Variants in PCDHGB7 observed in about 807,000 individuals in gnomAD.
PCDHGB7 encodes protocadherin gamma-B7.
In PCDHGB7, 37 loss-of-function variants were observed where a neutral mutation model predicts 61.4. The observed-to-expected ratio is 0.60, with a 90% CI of 0.46 to 0.79. The LOEUF (loss-of-function observed/expected upper bound fraction) is 0.79. PCDHGB7 is among the 30% of genes least tolerant of loss of function. The pLI, the probability that PCDHGB7 is intolerant of heterozygous loss-of-function variation, is 0.00. For synonymous variants in PCDHGB7, 464 were observed against 503.5 expected (o/e 0.92, Z 1.05); for missense variants, 1,166 against 1,202.5 (o/e 0.97, Z 0.45).
intron 1 of PCDHGB7, among the ~76,000 whole-genome samples, chr5:141,448,772 G>C (rs1034550563): frequency 1.5e-4 from 22 of 151,272 alleles, no homozygotes; most frequent in African/African-American, 3.7e-4. Context: ...AACCCCGTCT[G>C]TACTAAAAAT....
At chr5:141,466,107 G>T (rs1463944825) in intron 1 of PCDHGB7, among the ~76,000 whole-genome samples, 1 of 151,928 alleles carries the variant, frequency 6.6e-6, no homozygotes, top group East Asian at 1.9e-4. Flanking sequence ...GGGCAACAGA[G>T]TGAGACTCCA....
In PCDHGB7 at chr5:141,491,623, G is replaced by C; in HGVS notation, c.2416-3184G>C. On this transcript the variant is annotated intron_variant, in intron 1 of 3. Coordinates refer to ENST00000398594, the MANE Select transcript of PCDHGB7 (RefSeq NM_018927.4). The surrounding 1 kb of genome is among the most constrained non-coding windows in gnomAD (Gnocchi z 6.9). ...CTTCACTTTTCTAAGACCCCTCAGC[G>C]TTCAGCAGCCCACAGCTCTGGCGCT... 1 of 1,613,930 alleles carries C rather than the reference G, an allele frequency of 6.2e-7. No individual in the cohort carries two copies. Among genetic ancestry groups the C allele is most frequent in the Non-Finnish European group, 8.5e-7 (1 of 1,180,020 alleles).
At position 141,419,630 on chromosome 5, in the gene PCDHGB7, G is replaced by T; in HGVS notation, c.1771G>T (p.Val591Leu). 1.2e-6 allele frequency: 2 copies of T among 1,612,430 alleles called. No individual in the cohort carries two copies. The highest frequency in any genetic ancestry group is 1.3e-5 in the African/African-American group (1 of 75,064). ...GCAGCCAGGCTACCTGGTGACCAAG[G>T]TGGTGGCCGTGGACGCGGACTCGGG... Reference protein sequence around the residue: ...AAQPGYLVTKVVAVDADSGHN... With the variant: ...AAQPGYLVTKLVAVDADSGHN... The change falls in exon 1 of 4, where the codon GTG becomes TTG. Residue 591 changes from valine (V) to leucine (L), a missense_variant. Transcript: ENST00000398594.
intron 2 of PCDHGB7, among the ~76,000 whole-genome samples, chr5:141,500,901 G>A (rs984072329): frequency 7.6e-5 from 11 of 144,582 alleles, no homozygotes; most frequent in African/African-American, 2.6e-4. Flanking sequence ...AGACAGTCTC[G>A]CTCTGTCTCC....
At chr5:141,430,878 A>G in intron 1 of PCDHGB7, 1 of 1,600,748 alleles carries the variant, frequency 6.2e-7, no homozygotes, top group Admixed American at 1.8e-5. Context: ...GAAGAGCTGG[A>G]GAAAGGCTCT....
intron 1 of PCDHGB7, among the ~76,000 whole-genome samples, chr5:141,482,530 C>CAAAAAAAAAAAAA (rs3074545): frequency 3.9e-5 from 3 of 76,560 alleles, no homozygotes; most frequent in African/African-American, 9.6e-5. Context: ...GACAGACATG[C>CAAAAAAAAAAAAA]AAAAAAAAAA....
In PCDHGB7 at chr5:141,489,993, C is replaced by A; in HGVS notation, c.2416-4814C>A. 6.2e-7 allele frequency: 1 copy of A among 1,614,186 alleles called. No individual in the cohort carries two copies. The highest frequency in any genetic ancestry group is 1.1e-5 in the South Asian group (1 of 91,088). On this transcript the variant is annotated intron_variant, in intron 1 of 3. Transcript: ENST00000398594. The surrounding 1 kb of genome is among the most constrained non-coding windows in gnomAD (Gnocchi z 4.5). ...AATCCTCAGTTCTACGTGTGGGAATCCCAGAGAATGCACCCATTGGTACTC... is the reference window on the plus strand; with the variant it reads ...AATCCTCAGTTCTACGTGTGGGAATACCAGAGAATGCACCCATTGGTACTC...
chr5:141,451,358 T>C (rs537863729), intron 1 of PCDHGB7, among the ~76,000 whole-genome samples: 1 of 152,326 alleles, frequency 6.6e-6, no homozygotes, highest in African/African-American at 2.4e-5. Flanking sequence ...CAACAGAGGA[T>C]GGATCCGCTT....
intron 1 of PCDHGB7, among the ~76,000 whole-genome samples, chr5:141,492,968 C>T: frequency 6.6e-6 from 1 of 152,240 alleles, no homozygotes; most frequent in East Asian, 1.9e-4. Flanking sequence ...GACACTCTAA[C>T]AAGTCCTGTC....
At chr5:141,456,687 A>G (rs1053490307) in intron 1 of PCDHGB7, among the ~76,000 whole-genome samples, 1 of 152,156 alleles carries the variant, frequency 6.6e-6, no homozygotes. Context: ...ATTACTGGCC[A>G]GGCGTGGTGG....
chr5:141,422,492 C>G (rs747903569), intron 1 of PCDHGB7: 10 of 1,613,934 alleles, frequency 6.2e-6, no homozygotes, highest in Non-Finnish European at 8.5e-6. Flanking sequence ...TACAATATAA[C>G]GTTGACAGCC....
Position 141,427,553 on chromosome 5 carries a change from TG to T in PCDHGB7, c.2415+7280del, listed in dbSNP as rs201716174. ...AGTACAACGTCACCATCACTGCCAC[TG>T]ACAAGGGCAAGCCTCCGCTCTCATC... On this transcript the variant is annotated intron_variant, in intron 1 of 3. Transcript: ENST00000398594. 2.7e-3 allele frequency: 1,760 copies of T among 646,124 alleles called. 23 individuals are homozygous for T. In the African/African-American group the frequency reaches 0.028, roughly 10 times the overall value. 40.0% of individuals were successfully genotyped at this position (646,124 alleles called of 1,614,324 possible).
Position 141,419,533 on chromosome 5 carries a change from C to A in PCDHGB7, c.1674C>A (p.Asn558Lys). The change falls in exon 1 of 4, where the codon AAC (asparagine) becomes AAA (lysine). Residue 558 changes from asparagine (N) to lysine (K), a missense_variant. By Grantham distance (94) the Asn-to-Lys change is moderately conservative. Coordinates refer to ENST00000398594, the MANE Select transcript of PCDHGB7 (RefSeq NM_018927.4). ...LRVLVGDRNDNAPRVLYPALG... is the reference protein window; with the variant it reads ...LRVLVGDRNDKAPRVLYPALG... ...TGTTGGTGGGCGACCGTAACGACAA[C>A]GCACCGCGGGTGCTGTACCCTGCGC... 1 of 1,612,106 alleles carries A rather than the reference C, an allele frequency of 6.2e-7. No homozygotes were observed. The highest frequency in any genetic ancestry group is 8.5e-7 in the Non-Finnish European group (1 of 1,179,516).
At chr5:141,456,171 A>ACAGGCG (rs1443838766) in intron 1 of PCDHGB7, among the ~76,000 whole-genome samples, 2 of 152,096 alleles carry the variant, frequency 1.3e-5, no homozygotes, top group East Asian at 3.9e-4. Flanking sequence ...TGCTGGGATT[A>ACAGGCG]CAGAATAATT....
Position 141,476,036 on chromosome 5 carries a change from A to T in PCDHGB7, c.2416-18771A>T. ...ATGTCGGACTCGGCGCCCAGCGCCC[A>T]AGCGCTAACCCGCTGAAAGTTTCTC... On this transcript the variant is annotated intron_variant, in intron 1 of 3. Coordinates refer to ENST00000398594, the MANE Select transcript of PCDHGB7 (RefSeq NM_018927.4). This position sits in a 1 kb window ranked among gnomAD's most constrained non-coding sequence, Gnocchi z 7.6. 1.4e-6 allele frequency: 2 copies of T among 1,471,164 alleles called. No individual in the cohort carries two copies. The highest frequency in any genetic ancestry group is 1.8e-6 in the Non-Finnish European group (2 of 1,106,602). 91.1% of individuals were successfully genotyped at this position (1,471,164 alleles called of 1,614,324 possible).
At chr5:141,430,595 G>C (rs549786394) in intron 1 of PCDHGB7, 1 of 567,016 alleles carries the variant, frequency 1.8e-6, no homozygotes. Flanking sequence ...CCTTGCACGC[G>C]CCTGAAGCAC....
rs1224515106 is a variant in PCDHGB7 at position 141,491,453 on chromosome 5, C to T, written c.2416-3354C>T. On this transcript the variant is annotated intron_variant, in intron 1 of 3. Transcript: ENST00000398594. The surrounding 1 kb of genome is among the most constrained non-coding windows in gnomAD (Gnocchi z 6.9). ...TGCTGCAGGCGCCAGGACTCACCCT[C>T]CCCGGACTTCTATAAGCAGTCCAGC... The T allele has an allele frequency of 6.2e-6, 10 of 1,614,120 alleles. No homozygotes were observed. The highest frequency in any genetic ancestry group is 8.5e-6 in the Non-Finnish European group (10 of 1,180,028).
rs553126235 is a variant in PCDHGB7 at position 141,473,346 on chromosome 5, G to A, written c.2416-21461G>A. Reference sequence around the variant, plus strand: ...AAGTGCCTGCTGTGCTAGACAGTGAGGATGCAAGTGGCCACCAAAATAGCA... The same window carrying A: ...AAGTGCCTGCTGTGCTAGACAGTGAAGATGCAAGTGGCCACCAAAATAGCA... On this transcript the variant is annotated intron_variant, in intron 1 of 3. Transcript: ENST00000398594. Among the ~76,000 whole-genome samples, 9 of 152,310 alleles carry A rather than the reference G, an allele frequency of 5.9e-5. No individual in the cohort carries two copies. The East Asian group carries it at 1.5e-3, about 26-fold the overall frequency.
At chr5:141,467,932 TA>T (rs1391978978) in intron 1 of PCDHGB7, among the ~76,000 whole-genome samples, 4 of 152,186 alleles carry the variant, frequency 2.6e-5, no homozygotes, top group Non-Finnish European at 4.4e-5. Flanking sequence ...ATGCTAGGAT[TA>T]CAAGCATGAG....
Sources: gnomAD v4.1 joint callset for allele counts (sites outside exome capture counted in the v4.1 genomes callset) on GRCh38, gnomAD v4.1.1 for gene constraint, Gnocchi (gnomAD v3.1) non-coding constraint, MANE v1.5 for transcripts, NCBI Gene and HGNC (gene_info 2026-07-23, HGNC 2026-07-21) for gene names.